The following PXDNL variants were observed in gnomAD, a reference collection of about 807,000 sequenced individuals.
The protein encoded by PXDNL is peroxidasin like, also known as probable oxidoreductase PXDNL.
PXDNL carries 145 observed loss-of-function variants against 150.8 expected under a neutral mutation model. That is an observed-to-expected ratio of 0.96 (90% CI 0.84 to 1.10). The LOEUF is 1.10. PXDNL is among the 50% of genes least tolerant of loss of function. The probability of loss-of-function intolerance (pLI) is 0.00; values close to 1 mark genes in which losing one functional copy is unlikely to be tolerated. For missense variants in PXDNL, 2,087 were observed against 1,873.9 expected, an observed-to-expected ratio of 1.11 and a Z score of -2.10; for synonymous variants, 757 against 725.7, an observed-to-expected ratio of 1.04 and a Z score of -0.69.
rs201307798 is a variant in PXDNL at position 51,802,171 on chromosome 8, G to GT, written c.164+7009dup. Among the ~76,000 whole-genome samples the GT allele has an allele frequency of 7.9e-3, 1,129 of 142,530 alleles. 3 individuals are homozygous for GT. The highest frequency in any genetic ancestry group is 0.011 in the Non-Finnish European group (741 of 64,666). The allele number at this position is 142,530 out of a possible 152,430, so 93.5% of individuals were successfully genotyped here. On this transcript the variant is annotated intron_variant, in intron 1 of 22. Coordinates refer to ENST00000356297, the MANE Select transcript of PXDNL (RefSeq NM_144651.5). ...ATTTTTAGCTGGAGTCATGTTCAAG[G>GT]TTTTTTTTTTTTTAATTTTAAAATG...
chr8:51,490,214 C>T (rs747048783), intron 5 of PXDNL, among the ~76,000 whole-genome samples: 61 of 152,028 alleles, frequency 4.0e-4, no homozygotes, highest in Middle Eastern at 3.4e-3. Context: ...GAAAATAGCC[C>T]TTTTATTAAG....
Position 51,409,354 on chromosome 8 carries a change from T to TA in PXDNL, c.2269dup (p.Tyr757LeufsTer264). On this transcript the variant is annotated frameshift_variant, in exon 17 of 23. Coordinates refer to ENST00000356297, the MANE Select transcript of PXDNL (RefSeq NM_144651.5). LOFTEE classifies it high-confidence loss of function. ...GCGGGGCGCGCGGATGCCGTCCCGG[T>TA]AGGCTGGCTGCAGCAGGCGCGCGAA... 6.5e-7 allele frequency: 1 copy of TA among 1,545,226 alleles called. No homozygotes were observed. Among genetic ancestry groups the TA allele is most frequent in the Non-Finnish European group, 8.7e-7 (1 of 1,150,988 alleles).
At chr8:51,450,685 A>G (rs1045408604) in intron 10 of PXDNL, among the ~76,000 whole-genome samples, 5 of 152,214 alleles carry the variant, frequency 3.3e-5, no homozygotes, top group African/African-American at 1.2e-4. Context: ...TCCAAGTCAC[A>G]CAAATTCATG....
At chr8:51,602,881 T>C (rs1463691090) in intron 2 of PXDNL, among the ~76,000 whole-genome samples, 1 of 151,712 alleles carries the variant, frequency 6.6e-6, no homozygotes, top group Non-Finnish European at 1.5e-5. Flanking sequence ...ATTGTTTTTT[T>C]TCTTTATGGC....
At chr8:51,462,916 G>A (rs1810116048) in intron 8 of PXDNL, among the ~76,000 whole-genome samples, 2 of 151,788 alleles carry the variant, frequency 1.3e-5, no homozygotes, top group Non-Finnish European at 2.9e-5. Context: ...AGCCCCATAG[G>A]GCTAACAGCA....
chr8:51,634,797 G>A (rs1243926246), intron 2 of PXDNL, among the ~76,000 whole-genome samples: 6 of 152,064 alleles, frequency 3.9e-5, no homozygotes, highest in Non-Finnish European at 1.5e-5. Flanking sequence ...TTAGTGTATA[G>A]AAATGATATT....
chr8:51,521,697 C>G (rs1034863549), intron 4 of PXDNL, among the ~76,000 whole-genome samples: 2 of 151,938 alleles, frequency 1.3e-5, no homozygotes, highest in African/African-American at 4.8e-5. Flanking sequence ...TGCATCTATG[C>G]ATGACATATT....
intron 8 of PXDNL, among the ~76,000 whole-genome samples, chr8:51,463,859 A>T (rs1485349149): frequency 1.3e-5 from 2 of 152,184 alleles, no homozygotes; most frequent in African/African-American, 4.8e-5. Context: ...GTAAACAACA[A>T]AATTAAAACA....
At chr8:51,590,725 G>T (rs912247943) in intron 3 of PXDNL, among the ~76,000 whole-genome samples, 7 of 151,182 alleles carry the variant, frequency 4.6e-5, no homozygotes, top group African/African-American at 1.7e-4. Context: ...TAGATATCTT[G>T]TTTTTTTTTA....
chr8:51,797,038 T>C (rs2037568854), intron 1 of PXDNL, among the ~76,000 whole-genome samples: 1 of 152,212 alleles, frequency 6.6e-6, no homozygotes, highest in South Asian at 2.1e-4. Flanking sequence ...TTAGTAAATG[T>C]CATTCATCAC....
chr8:51,768,247 G>T lies in PXDNL; in HGVS notation c.164+40934C>A, dbSNP rs73678994. ...TGATTATTTTTAATTTATTTTGTCA[G>T]ATTTTATCAGTGTTTTTTTTTTTTT... is the stretch of plus-strand genomic sequence containing the variant. On this transcript the variant is annotated intron_variant, in intron 1 of 22. Transcript: ENST00000356297. 2.8e-3 allele frequency among the ~76,000 whole-genome samples: 421 copies of T among 151,464 alleles called. 3 individuals are homozygous for T. The highest frequency in any genetic ancestry group is 9.5e-3 in the African/African-American group (394 of 41,416).
At chr8:51,385,868 T>C (rs892097379) in intron 17 of PXDNL, among the ~76,000 whole-genome samples, 3 of 152,214 alleles carry the variant, frequency 2.0e-5, no homozygotes, top group Admixed American at 6.5e-5. Flanking sequence ...AGGTAAGACA[T>C]GCCTTTCACC....
intron 17 of PXDNL, among the ~76,000 whole-genome samples, chr8:51,381,653 T>C (rs1042547767): frequency 4.4e-4 from 66 of 149,424 alleles, no homozygotes; most frequent in Admixed American, 1.5e-3. Context: ...TTTATTTATT[T>C]ATTTATTTAT....
chr8:51,663,077 C>A (rs557152800), intron 1 of PXDNL, among the ~76,000 whole-genome samples: 1 of 152,180 alleles, frequency 6.6e-6, no homozygotes, highest in Non-Finnish European at 1.5e-5. Context: ...CTCCACACAC[C>A]GTTTCAAGGC....
chr8:51,621,080 T>C (rs1814242332), intron 2 of PXDNL, among the ~76,000 whole-genome samples: 1 of 152,206 alleles, frequency 6.6e-6, no homozygotes, highest in Non-Finnish European at 1.5e-5. Context: ...CTACTTTCTA[T>C]CTTGCTAATT....
chr8:51,678,577 T>TGAAATTG (rs1171798741), intron 1 of PXDNL, among the ~76,000 whole-genome samples: 1 of 149,768 alleles, frequency 6.7e-6, no homozygotes, highest in African/African-American at 2.5e-5. Context: ...GGGACATGGA[T>TGAAATTG]GAAATTGGAA....
At chr8:51,612,843 T>C (rs944942751) in intron 2 of PXDNL, among the ~76,000 whole-genome samples, 10 of 152,246 alleles carry the variant, frequency 6.6e-5, no homozygotes, top group African/African-American at 1.2e-4. Flanking sequence ...TATTTTGTTA[T>C]ATAACAGCCT....
At chr8:51,495,640 T>C (rs955775538) in intron 5 of PXDNL, among the ~76,000 whole-genome samples, 14 of 152,154 alleles carry the variant, frequency 9.2e-5, no homozygotes, top group African/African-American at 3.4e-4. Flanking sequence ...CATCAGAGAA[T>C]ACTATAAACA....
intron 1 of PXDNL, among the ~76,000 whole-genome samples, chr8:51,663,267 G>A (rs777744945): frequency 1.3e-5 from 2 of 152,172 alleles, no homozygotes; most frequent in Non-Finnish European, 2.9e-5. Context: ...AGACCCCAGT[G>A]ATGGACCAGC....
Sources: gnomAD v4.1 joint callset for allele counts (sites outside exome capture counted in the v4.1 genomes callset) on GRCh38, gnomAD v4.1.1 for gene constraint, MANE v1.5 for transcripts, NCBI Gene and HGNC (gene_info 2026-07-23, HGNC 2026-07-21) for gene names.